TMPRSS12: variants seen among roughly 807,000 people sequenced by gnomAD.
TMPRSS12 encodes the protein transmembrane protease serine 12.
In TMPRSS12, 25 loss-of-function variants were observed where a neutral mutation model predicts 26.0. The ratio of observed to expected loss-of-function variants is 0.96; its 90% CI spans 0.70 to 1.34. The LOEUF is 1.34. Among genes scored for constraint, TMPRSS12 ranks in the 40% most tolerant of loss-of-function variants. The pLI, the probability that TMPRSS12 is intolerant of heterozygous loss-of-function variation, is 0.00. For missense variants in TMPRSS12, 441 were observed against 440.1 expected (o/e 1.00, Z -0.02); for synonymous variants, 150 against 161.7 (o/e 0.93, Z 0.55).
At chr12:50,873,073 G>A (rs1938082204) in intron 3 of TMPRSS12, among the ~76,000 whole-genome samples, 1 of 151,698 alleles carries the variant, frequency 6.6e-6, no homozygotes, top group African/African-American at 2.4e-5. Flanking sequence ...TATTCTAAGT[G>A]AAGTAACTCA....
At chr12:50,874,102 TA>T (rs34449705) in intron 3 of TMPRSS12, among the ~76,000 whole-genome samples, 47,229 of 151,728 alleles carry the variant, frequency 0.31, 7,439 homozygotes, top group East Asian at 0.44. Flanking sequence ...TCTTCCCATT[TA>T]AAAAAAACCC....
At chr12:50,868,215 G>T (rs1039954269) in intron 3 of TMPRSS12, among the ~76,000 whole-genome samples, 3 of 152,146 alleles carry the variant, frequency 2.0e-5, no homozygotes, top group African/African-American at 4.8e-5. Context: ...GACTGGATGA[G>T]AACTCACCAA....
At chr12:50,862,290 G>A (rs1297069846) in intron 3 of TMPRSS12, among the ~76,000 whole-genome samples, 4 of 152,118 alleles carry the variant, frequency 2.6e-5, no homozygotes, top group South Asian at 2.1e-4. Context: ...TTAAGGACTC[G>A]GTGTGACGAT....
intron 3 of TMPRSS12, among the ~76,000 whole-genome samples, chr12:50,869,847 C>T (rs1938025303): frequency 6.6e-6 from 1 of 152,196 alleles, no homozygotes; most frequent in South Asian, 2.1e-4. Context: ...CTTTGGAAGG[C>T]CAAGGTGGGC....
At chr12:50,872,390 G>A (rs1293869117) in intron 3 of TMPRSS12, among the ~76,000 whole-genome samples, 1 of 149,276 alleles carries the variant, frequency 6.7e-6, no homozygotes, top group Non-Finnish European at 1.5e-5. Context: ...GCGGGCGCCT[G>A]TAGTCCCAGC....
intron 3 of TMPRSS12, among the ~76,000 whole-genome samples, chr12:50,872,557 A>AT (rs148577220): frequency 0.18 from 18,498 of 101,330 alleles, 3,593 homozygotes; most frequent in East Asian, 0.31. Flanking sequence ...CTGTGAAAAA[A>AT]ATATATATAT....
At chr12:50,879,621 G>GCTGAAAGT (rs1938145816) in intron 3 of TMPRSS12, among the ~76,000 whole-genome samples, 2 of 152,266 alleles carry the variant, frequency 1.3e-5, no homozygotes, top group Non-Finnish European at 2.9e-5. Context: ...AGAAAAGAAG[G>GCTGAAAGT]CTGAAAGTAG....
At chr12:50,883,451 G>A (rs1461388369) in intron 3 of TMPRSS12, among the ~76,000 whole-genome samples, 2 of 152,206 alleles carry the variant, frequency 1.3e-5, no homozygotes, top group Non-Finnish European at 2.9e-5. Flanking sequence ...ACTTTGAGAG[G>A]CCAAGGCAGG....
chr12:50,885,025 T>C (rs1260150288), intron 3 of TMPRSS12, among the ~76,000 whole-genome samples: 4 of 151,768 alleles, frequency 2.6e-5, no homozygotes, highest in East Asian at 1.9e-4. Context: ...GCCTGGGCAA[T>C]AGATCAAGAC....
At chr12:50,879,648 A>G (rs4768933) in intron 3 of TMPRSS12, among the ~76,000 whole-genome samples, 84,838 of 152,082 alleles carry the variant, frequency 0.56, 23,817 homozygotes, top group East Asian at 0.65. Context: ...GTAAATTGTT[A>G]TCATTAACGA....
intron 1 of TMPRSS12, 32 bp downstream of exon 1, chr12:50,843,183 CCT>C: frequency 6.6e-7 from 1 of 1,507,394 alleles, no homozygotes; most frequent in Non-Finnish European, 8.9e-7. Flanking sequence ...CTCTGGGGAG[CCT>C]CTCTTACCTT....
intron 3 of TMPRSS12, among the ~76,000 whole-genome samples, chr12:50,881,979 A>T (rs1592225537): frequency 3.0e-4 from 16 of 52,810 alleles, no homozygotes; most frequent in East Asian, 5.5e-4. Flanking sequence ...AAAAAAAAAA[A>T]AAAAAAAAAA....
rs1938074747 is a variant in TMPRSS12 at position 50,872,840 on chromosome 12, GTCTATATA to G, written c.653-12404_653-12397del. On this transcript the variant is annotated intron_variant, in intron 3 of 4. Transcript: ENST00000398458. ...ACGTATATATGTACATATATATGAC[GTCTATATA>G]TGTACATATATATGACTATATATGT... Among the ~76,000 whole-genome samples, 3 of 28,362 alleles carry G rather than the reference GTCTATATA, an allele frequency of 1.1e-4. 1 individual carries two copies. The highest frequency in any genetic ancestry group is 2.6e-4 in the African/African-American group (3 of 11,422). 18.6% of individuals were successfully genotyped at this position (28,362 alleles called of 152,430 possible).
chr12:50,882,923 T>C (rs1396036342), intron 3 of TMPRSS12, among the ~76,000 whole-genome samples: 1 of 152,220 alleles, frequency 6.6e-6, no homozygotes. Context: ...AATAATCATA[T>C]TATTGATTCC....
chr12:50,846,143 A>C (rs1937764481), intron 2 of TMPRSS12, among the ~76,000 whole-genome samples: 2 of 152,178 alleles, frequency 1.3e-5, no homozygotes, highest in African/African-American at 4.8e-5. Context: ...ATTTTGATGA[A>C]GTCAAATTTA....
chr12:50,853,581 C>CAAAAAAAAA (rs34657217), intron 2 of TMPRSS12, among the ~76,000 whole-genome samples: 27 of 102,264 alleles, frequency 2.6e-4, no homozygotes, highest in South Asian at 3.5e-4. Context: ...GCTAGACTAA[C>CAAAAAAAAA]AAAAAAAAAA....
chr12:50,885,488 C>A, intron 4 of TMPRSS12, 100 bp downstream of exon 4: 4 of 1,325,748 alleles, frequency 3.0e-6, no homozygotes, highest in South Asian at 1.2e-5. Flanking sequence ...AATTATCAGG[C>A]CTAAAAATAA....
chr12:50,872,060 C>T (rs1233676579), intron 3 of TMPRSS12, among the ~76,000 whole-genome samples: 1 of 152,150 alleles, frequency 6.6e-6, no homozygotes, highest in African/African-American at 2.4e-5. Flanking sequence ...GAAAGTAGAA[C>T]TGCCATTTGA....
chr12:50,852,941 G>A (rs143874702), intron 2 of TMPRSS12, among the ~76,000 whole-genome samples: 57 of 152,246 alleles, frequency 3.7e-4, no homozygotes, highest in Admixed American at 1.5e-3. Flanking sequence ...CACTTACAAA[G>A]ATATTTGAGA....
Sources: gnomAD v4.1 joint callset for allele counts (sites outside exome capture counted in the v4.1 genomes callset) on GRCh38, gnomAD v4.1.1 for gene constraint, MANE v1.5 for transcripts, NCBI Gene and HGNC (gene_info 2026-07-23, HGNC 2026-07-21) for gene names.